The following USP12 variants were observed in gnomAD, a reference collection of about 807,000 sequenced individuals.
The protein encoded by USP12 is ubiquitin specific peptidase 12.
In USP12, 19 loss-of-function variants were observed where a neutral mutation model predicts 45.5. That is an observed-to-expected ratio of 0.42 (90% CI 0.29 to 0.61). USP12 has a LOEUF of 0.61. Among genes scored for constraint, USP12 ranks in the 20% least tolerant of loss-of-function variants. USP12 has a pLI of 0.22. For missense variants in USP12, 242 were observed against 447.7 expected (o/e 0.54, Z 4.15); for synonymous variants, 149 against 148.8 (o/e 1.00, Z -0.01).
rs1379819192 is a variant in USP12, at chr13:27,091,857, C to T, written c.574-1699G>A. Among the ~76,000 whole-genome samples, 6 of 152,314 alleles carry T rather than the reference C, an allele frequency of 3.9e-5. No individual in the cohort carries two copies. In the East Asian group the frequency reaches 1.2e-3, roughly 29 times the overall value. On this transcript the variant is annotated intron_variant, in intron 4 of 8. Coordinates refer to ENST00000282344, the MANE Select transcript of USP12 (RefSeq NM_182488.4). The stretch of plus-strand genomic sequence containing the variant: ...AGCTTCCTACCACCTGAGACATTAC[C>T]AATTGCATTTCTAAAATACAAGCAT...
At chr13:27,155,761 G>C (rs1458444288) in intron 1 of USP12, among the ~76,000 whole-genome samples, 2 of 152,158 alleles carry the variant, frequency 1.3e-5, no homozygotes, top group African/African-American at 4.8e-5. Flanking sequence ...AAATCTGTTA[G>C]AACTTCATGT....
At position 27,110,873 on chromosome 13, in the gene USP12, G is replaced by C. The variant is rs57654990; in HGVS notation, c.130-4929C>G. 2.0e-5 allele frequency among the ~76,000 whole-genome samples: 3 copies of C among 152,188 alleles called. No individual in the cohort carries two copies. In the East Asian group the frequency reaches 5.8e-4, roughly 29 times the overall value. On this transcript the variant is annotated intron_variant, in intron 2 of 8. Coordinates refer to ENST00000282344, the MANE Select transcript of USP12 (RefSeq NM_182488.4). ...CCATATTTTGGAATAGGCAACAGGG[G>C]AATTGAACAACTTCCACCGAGCAGG...
intron 3 of USP12, among the ~76,000 whole-genome samples, chr13:27,104,217 GA>G (rs1875020116): frequency 6.6e-6 from 1 of 152,128 alleles, no homozygotes; most frequent in African/African-American, 2.4e-5. Flanking sequence ...TTTTTTGTGA[GA>G]CAAGGTCTTG....
chr13:27,132,595 AGTGTAAGTATCTCAAGAGG>A (rs1876556359), intron 1 of USP12, among the ~76,000 whole-genome samples: 1 of 152,284 alleles, frequency 6.6e-6, no homozygotes, highest in Admixed American at 6.5e-5. Flanking sequence ...AAAGATGGTT[AGTGTAAGTATCTCAAGAGG>A]GTTTCCTCTG....
chr13:27,108,817 G>A (rs150247855), intron 2 of USP12, among the ~76,000 whole-genome samples: 11 of 152,118 alleles, frequency 7.2e-5, no homozygotes, highest in Non-Finnish European at 1.0e-4. Context: ...AATTAGCCGG[G>A]TGTGGTGGCA....
intron 1 of USP12, among the ~76,000 whole-genome samples, chr13:27,137,078 T>C (rs1232946206): frequency 6.6e-5 from 10 of 152,172 alleles, no homozygotes; most frequent in Non-Finnish European, 1.5e-4. Context: ...TGAACAAAGA[T>C]AGTGAACAAA....
chr13:27,079,485 T>A (rs1360706868), intron 6 of USP12, among the ~76,000 whole-genome samples: 3 of 152,206 alleles, frequency 2.0e-5, no homozygotes, highest in South Asian at 2.1e-4. Flanking sequence ...CATCAGGTGC[T>A]AAGTATTCCA....
intron 6 of USP12, among the ~76,000 whole-genome samples, chr13:27,080,859 C>CCA (rs1873722572): frequency 6.6e-6 from 1 of 152,114 alleles, no homozygotes; most frequent in Non-Finnish European, 1.5e-5. Context: ...AAGTCCATAT[C>CCA]TTAATTTAAA....
intron 1 of USP12, among the ~76,000 whole-genome samples, chr13:27,138,280 G>A (rs1412655620): frequency 6.6e-6 from 1 of 152,212 alleles, no homozygotes; most frequent in Non-Finnish European, 1.5e-5. Flanking sequence ...AGGGAGCTGA[G>A]AGGCCGAAGA....
rs539197683 is a variant in USP12 at position 27,111,161 on chromosome 13, C to G, written c.130-5217G>C. On this transcript the variant is annotated intron_variant, in intron 2 of 8. Transcript: ENST00000282344. ...TTCTTTTATTTACTTTCATCAATCC[C>G]ATTAAAGAAAAATTAAAAGGTTGAA... 2.6e-5 allele frequency among the ~76,000 whole-genome samples: 4 copies of G among 152,250 alleles called. 1 individual carries two copies. The highest frequency in any genetic ancestry group is 9.6e-5 in the African/African-American group (4 of 41,566).
chr13:27,155,066 C>CTTTTTTTTTTTTTT (rs71083634), intron 1 of USP12, among the ~76,000 whole-genome samples: 2 of 57,614 alleles, frequency 3.5e-5, no homozygotes, highest in South Asian at 1.2e-3. Context: ...ATGTCCACAA[C>CTTTTTTTTTTTTTT]TTTTTTTTTT....
At chr13:27,094,183 T>TA (rs71083629) in intron 4 of USP12, among the ~76,000 whole-genome samples, 13,767 of 141,866 alleles carry the variant, frequency 0.097, 1,474 homozygotes, top group African/African-American at 0.27. Flanking sequence ...CAAGGGGATT[T>TA]AAAAAAAAAA....
intron 6 of USP12, among the ~76,000 whole-genome samples, chr13:27,078,964 C>T (rs1873621060): frequency 6.6e-6 from 1 of 151,000 alleles, no homozygotes; most frequent in Admixed American, 6.6e-5. Context: ...CGATAAATTT[C>T]AAAGATGAAA....
chr13:27,148,008 G>C (rs1877387705), intron 1 of USP12, among the ~76,000 whole-genome samples: 1 of 151,860 alleles, frequency 6.6e-6, no homozygotes, highest in Non-Finnish European at 1.5e-5. Flanking sequence ...TGCACCTGTA[G>C]TCCCAAGCTG....
chr13:27,124,076 G>A (rs1876117696), intron 1 of USP12, among the ~76,000 whole-genome samples: 1 of 152,076 alleles, frequency 6.6e-6, no homozygotes, highest in South Asian at 2.1e-4. Flanking sequence ...AAATAATCTG[G>A]GAGATGGCTA....
At chr13:27,159,748 AGTT>A (rs1404863815) in intron 1 of USP12, among the ~76,000 whole-genome samples, 1 of 152,256 alleles carries the variant, frequency 6.6e-6, no homozygotes, top group Non-Finnish European at 1.5e-5. Flanking sequence ...CTCCTATATA[AGTT>A]CCTTGGGAAA....
At chr13:27,157,534 TA>T (rs202032155) in intron 1 of USP12, among the ~76,000 whole-genome samples, 1 of 151,970 alleles carries the variant, frequency 6.6e-6, no homozygotes. Flanking sequence ...TGCCTTTTTT[TA>T]AAAAAAATAT....
At chr13:27,131,880 C>T (rs1190928140) in intron 1 of USP12, among the ~76,000 whole-genome samples, 9 of 152,150 alleles carry the variant, frequency 5.9e-5, no homozygotes, top group Non-Finnish European at 1.2e-4. Flanking sequence ...TTGCATGCCT[C>T]AGTCAACAGC....
intron 1 of USP12, among the ~76,000 whole-genome samples, chr13:27,154,567 CA>C (rs1187394935): frequency 3.3e-5 from 5 of 152,078 alleles, no homozygotes; most frequent in Non-Finnish European, 7.4e-5. Context: ...AACTTCTTTC[CA>C]ATATTTCACC....
Sources: allele counts gnomAD v4.1 joint callset (sites outside exome capture counted in the v4.1 genomes callset), GRCh38; gene constraint gnomAD v4.1.1; transcripts MANE v1.5; gene names NCBI Gene and HGNC (gene_info 2026-07-23, HGNC 2026-07-21).